The following FDX1 variants were observed in gnomAD, a reference collection of about 807,000 sequenced individuals.
FDX1 encodes ferredoxin 1, also known as adrenodoxin, mitochondrial.
A neutral mutation model predicts 14.9 loss-of-function variants in FDX1; 9 were observed. The ratio of observed to expected loss-of-function variants is 0.60; its 90% CI spans 0.36 to 1.05. The LOEUF (loss-of-function observed/expected upper bound fraction) is 1.05, where lower values mean the gene tolerates loss of function less well. FDX1 is among the 50% of genes least tolerant of loss of function. The pLI is 0.01. For missense variants in FDX1, 204 were observed against 237.2 expected, an observed-to-expected ratio of 0.86 and a Z score of 0.92; for synonymous variants, 92 against 99.4, an observed-to-expected ratio of 0.93 and a Z score of 0.44.
intron 1 of FDX1, among the ~76,000 whole-genome samples, chr11:110,431,787 C>T (rs916974540): frequency 1.3e-5 from 2 of 152,108 alleles, no homozygotes; most frequent in African/African-American, 4.8e-5. Flanking sequence ...AAGGGGAGCA[C>T]GTCTATTTCC....
intron 3 of FDX1, among the ~76,000 whole-genome samples, chr11:110,460,602 C>G (rs1946550570): frequency 6.6e-6 from 1 of 152,252 alleles, no homozygotes; most frequent in African/African-American, 2.4e-5. Context: ...ATTTGGCTTT[C>G]TCCCTCGGTG....
intron 2 of FDX1, among the ~76,000 whole-genome samples, chr11:110,440,696 C>G (rs1946399467): frequency 6.6e-6 from 1 of 152,134 alleles, no homozygotes; most frequent in Admixed American, 6.5e-5. Context: ...AAATCAATAA[C>G]ATTGGAATGG....
At chr11:110,447,177 G>GA (rs369698874) in intron 2 of FDX1, among the ~76,000 whole-genome samples, 74 of 31,210 alleles carry the variant, frequency 2.4e-3, no homozygotes, top group Middle Eastern at 0.019. Context: ...CTCCATCTTG[G>GA]AAAAAAAAAA....
intron 2 of FDX1, among the ~76,000 whole-genome samples, chr11:110,442,508 T>A (rs974488685): frequency 6.6e-6 from 1 of 152,230 alleles, no homozygotes; most frequent in Non-Finnish European, 1.5e-5. Flanking sequence ...TTTGGAGCTT[T>A]AAGATTTGAC....
chr11:110,460,729 G>A (rs1159989491), intron 3 of FDX1, among the ~76,000 whole-genome samples: 2 of 152,186 alleles, frequency 1.3e-5, no homozygotes, highest in Non-Finnish European at 2.9e-5. Flanking sequence ...AGTCCTGTGA[G>A]GAATTCTCCT....
chr11:110,438,423 T>A (rs79914198), intron 2 of FDX1, among the ~76,000 whole-genome samples: 3,474 of 152,148 alleles, frequency 0.023, 122 homozygotes, highest in African/African-American at 0.075. Flanking sequence ...TCTTCTTTTT[T>A]AAATATTTAT....
chr11:110,442,902 T>A (rs940603774), intron 2 of FDX1, among the ~76,000 whole-genome samples: 1 of 152,128 alleles, frequency 6.6e-6, no homozygotes, highest in Non-Finnish European at 1.5e-5. Context: ...AATTGAATCT[T>A]GGGGGCAGGT....
In FDX1 at chr11:110,444,696, A is replaced by ATATATACGTG. The variant is rs1565381910; in HGVS notation, c.310+8744_310+8745insCGTGTATATA. 8.1e-5 allele frequency among the ~76,000 whole-genome samples: 7 copies of ATATATACGTG among 86,944 alleles called. 1 individual carries two copies. The highest frequency in any genetic ancestry group is 1.3e-4 in the African/African-American group (2 of 15,526). The allele number at this position is 86,944 out of a possible 152,430, so 57.0% of individuals were successfully genotyped here. ...TATATATATATATACACGTATATAT[A>ATATATACGTG]TATATATACGTATATATATATATAT... On this transcript the variant is annotated intron_variant, in intron 2 of 3. Coordinates refer to ENST00000260270, the MANE Select transcript of FDX1 (RefSeq NM_004109.5).
chr11:110,458,017 C>T (rs1204382297), intron 3 of FDX1, among the ~76,000 whole-genome samples: 1 of 152,176 alleles, frequency 6.6e-6, no homozygotes, highest in Non-Finnish European at 1.5e-5. Context: ...TGTCCTCTCA[C>T]ATCTTCAGTG....
chr11:110,429,828 G>A (rs1946315967), upstream of FDX1: 1 of 274,526 alleles, frequency 3.6e-6, no homozygotes, highest in South Asian at 1.7e-4. Flanking sequence ...AACGGAACCT[G>A]GAGGGTTGGT....
At chr11:110,434,521 C>CG (rs1946354572) in intron 1 of FDX1, among the ~76,000 whole-genome samples, 2 of 151,564 alleles carry the variant, frequency 1.3e-5, no homozygotes, top group South Asian at 4.2e-4. Context: ...TTAGTAGAGA[C>CG]GGGGTTTCGC....
intron 2 of FDX1, among the ~76,000 whole-genome samples, chr11:110,445,741 C>A (rs1417456204): frequency 6.6e-6 from 1 of 152,124 alleles, no homozygotes; most frequent in Non-Finnish European, 1.5e-5. Context: ...ACTCATAACT[C>A]ATCTTTTCAT....
chr11:110,429,417 CAA>C (rs1946313278), upstream of FDX1, among the ~76,000 whole-genome samples: 1 of 152,148 alleles, frequency 6.6e-6, no homozygotes, highest in Non-Finnish European at 1.5e-5. Flanking sequence ...CAGCTCATCA[CAA>C]AGTTTCCGGT....
chr11:110,459,742 T>A (rs1332128000), intron 3 of FDX1, among the ~76,000 whole-genome samples: 1 of 152,224 alleles, frequency 6.6e-6, no homozygotes, highest in South Asian at 2.1e-4. Context: ...GGAGCCTTGT[T>A]GTTTGTCTCC....
chr11:110,450,851 T>G (rs909313419), intron 2 of FDX1, among the ~76,000 whole-genome samples: 2 of 152,118 alleles, frequency 1.3e-5, no homozygotes, highest in Non-Finnish European at 2.9e-5. Flanking sequence ...GACATACACA[T>G]TTTCCCTGTT....
rs551316001 is a variant in FDX1 at position 110,430,409 on chromosome 11, C to T, written c.185+104C>T. On this transcript the variant is annotated intron_variant, in intron 1 of 3. Transcript: ENST00000260270. The stretch of plus-strand genomic sequence containing the variant: ...TCTGGTTCCAGTGCCTTCTGCGCGC[C>T]GGGCCCACACCCCGGAGGCCTGCCT... 2.9e-4 allele frequency: 222 copies of T among 767,780 alleles called. 1 individual carries two copies. Among genetic ancestry groups the T allele is most frequent in the African/African-American group, 1.3e-3 (72 of 54,184 alleles). The allele number at this position is 767,780 out of a possible 1,614,324, so 47.6% of individuals were successfully genotyped here.
chr11:110,436,648 G>GTTT (rs1946372170), intron 2 of FDX1, among the ~76,000 whole-genome samples: 1 of 137,864 alleles, frequency 7.3e-6, no homozygotes, highest in Non-Finnish European at 1.5e-5. Context: ...ATTGCATGTT[G>GTTT]TAACAGCTGT....
chr11:110,432,271 T>C (rs1946336743), intron 1 of FDX1, among the ~76,000 whole-genome samples: 3 of 152,178 alleles, frequency 2.0e-5, no homozygotes, highest in African/African-American at 4.8e-5. Flanking sequence ...CTTTCACGTG[T>C]ATTGTTTCGT....
At position 110,464,515 on chromosome 11, in the gene FDX1, A is replaced by C. The variant is rs1946580925; in HGVS notation, c.*2047A>C. 2 of 152,192 alleles carry C rather than the reference A, an allele frequency of 1.3e-5. No individual in the cohort carries two copies. Among genetic ancestry groups the C allele is most frequent in the Non-Finnish European group, 2.9e-5 (2 of 68,044 alleles). 9.4% of individuals were successfully genotyped at this position (152,192 alleles called of 1,614,324 possible). ...AACCCACACCTGAGATAACGGCATT[A>C]ATCCATTCATGAGGTCTCTGCTCTT... On this transcript the variant is annotated 3_prime_UTR_variant, in exon 4 of 4. Coordinates refer to ENST00000260270, the MANE Select transcript of FDX1 (RefSeq NM_004109.5).
Sources: gnomAD v4.1 joint callset for allele counts (sites outside exome capture counted in the v4.1 genomes callset) on GRCh38, gnomAD v4.1.1 for gene constraint, MANE v1.5 for transcripts, NCBI Gene and HGNC (gene_info 2026-07-23, HGNC 2026-07-21) for gene names.